WDR59: variants seen among roughly 807,000 people sequenced by gnomAD.
The protein encoded by WDR59 is GATOR2 complex protein WDR59.
A neutral mutation model predicts 131.2 loss-of-function variants in WDR59; 100 were observed. The ratio of observed to expected loss-of-function variants is 0.76; its 90% CI spans 0.65 to 0.90. The LOEUF (loss-of-function observed/expected upper bound fraction) is 0.90. WDR59 is among the 40% of genes least tolerant of loss of function. WDR59 has a pLI of 0.00. For missense variants in WDR59, 1,203 were observed against 1,262.2 expected, an observed-to-expected ratio of 0.95 and a Z score of 0.71; for synonymous variants, 601 against 466.2, an observed-to-expected ratio of 1.29 and a Z score of -3.72.
intron 13 of WDR59, among the ~76,000 whole-genome samples, chr16:74,913,767 G>T (rs533887280): frequency 9.9e-5 from 15 of 152,178 alleles, no homozygotes; most frequent in Non-Finnish European, 4.4e-5. Context: ...GGATTGCCAC[G>T]GGCTGAGGGA....
chr16:74,915,877 T>A lies in WDR59; in HGVS notation c.1217A>T (p.Asn406Ile), dbSNP rs533919592. The change falls in exon 13 of 26, where the codon AAT becomes ATT. Residue 406 changes from asparagine (N) to isoleucine (I), a missense_variant. Physicochemically the swap from Asn to Ile is moderately radical, Grantham distance 149. Coordinates refer to ENST00000262144, the MANE Select transcript of WDR59 (RefSeq NM_030581.4). ...GTTGATTAAACTAAGTACCTCCACA[T>A]TGACATTCCGGATTTGCACATTGAT... ...SLINVQIRNV[N>I]VEMDAADRSC... The A allele has an allele frequency of 1.2e-6, 2 of 1,614,104 alleles. No homozygotes were observed. Among genetic ancestry groups the A allele is most frequent in the African/African-American group, 1.3e-5 (1 of 74,934 alleles).
chr16:74,972,550 T>C (rs2034024827), intron 1 of WDR59, among the ~76,000 whole-genome samples: 3 of 152,178 alleles, frequency 2.0e-5, no homozygotes, highest in Non-Finnish European at 4.4e-5. Context: ...AACTCATGTC[T>C]AGGCCAGGCA....
intron 25 of WDR59, among the ~76,000 whole-genome samples, chr16:74,876,716 C>T (rs1454029029): frequency 6.6e-6 from 1 of 151,980 alleles, no homozygotes; most frequent in Non-Finnish European, 1.5e-5. Context: ...ACATAAAAGC[C>T]CCAGGACGCT....
intron 25 of WDR59, 25 bp from the exon 26 acceptor site, chr16:74,874,469 A>T: frequency 6.2e-7 from 1 of 1,607,112 alleles, no homozygotes; most frequent in Non-Finnish European, 8.5e-7. Flanking sequence ...GGACGGGCAA[A>T]ACAAGAGGCA....
At chr16:74,975,234 A>C (rs960811657) in intron 1 of WDR59, among the ~76,000 whole-genome samples, 2 of 151,852 alleles carry the variant, frequency 1.3e-5, no homozygotes, top group African/African-American at 4.8e-5. Flanking sequence ...GGCAGCACAC[A>C]CCTGTAATTC....
At position 74,874,464 on chromosome 16, in the gene WDR59, G is replaced by A. The variant is rs1364570538; in HGVS notation, c.2690-20C>T. ...CGAACTCTGGAAATGGGCAGGGACG[G>A]GCAAAACAAGAGGCAGCATGAGTTT... On this transcript the variant is annotated intron_variant, in intron 25 of 25. Transcript: ENST00000262144. 1 of 1,609,956 alleles carries A rather than the reference G, an allele frequency of 6.2e-7. No individual in the cohort carries two copies.
chr16:74,948,452 G>A, intron 6 of WDR59, 67 bp downstream of exon 6: 1 of 1,415,688 alleles, frequency 7.1e-7, no homozygotes, highest in Non-Finnish European at 1.0e-6. Context: ...GAACGGGAAA[G>A]AACTGGAAGG....
intron 6 of WDR59, among the ~76,000 whole-genome samples, chr16:74,946,405 C>T (rs947615453): frequency 6.6e-6 from 1 of 152,204 alleles, no homozygotes; most frequent in Admixed American, 6.5e-5. Context: ...TACATACACT[C>T]GTCTACAGAA....
At chr16:74,915,013 A>G (rs1369801808) in intron 13 of WDR59, among the ~76,000 whole-genome samples, 1 of 152,240 alleles carries the variant, frequency 6.6e-6, no homozygotes, top group East Asian at 1.9e-4. Context: ...TGAAGCAAAG[A>G]CTTTCAATAC....
At chr16:74,959,640 G>A (rs2033468449) in intron 2 of WDR59, 1 of 416,510 alleles carries the variant, frequency 2.4e-6, no homozygotes, top group Non-Finnish European at 4.7e-6. Context: ...AAATTAGCCA[G>A]GTGTGGTGAC....
At chr16:74,901,745 C>T (rs1965564074) in intron 18 of WDR59, among the ~76,000 whole-genome samples, 1 of 151,816 alleles carries the variant, frequency 6.6e-6, no homozygotes, top group Non-Finnish European at 1.5e-5. Flanking sequence ...AAAGTGACAT[C>T]ATTTGACATG....
At chr16:74,892,408 A>T in intron 20 of WDR59, 76 bp downstream of exon 20, 1 of 1,202,134 alleles carries the variant, frequency 8.3e-7, no homozygotes, top group Non-Finnish European at 1.2e-6. Context: ...AAATGTCATT[A>T]AATGCCAATG....
At chr16:74,895,835 A>G (rs1037689888) in intron 18 of WDR59, among the ~76,000 whole-genome samples, 3 of 152,206 alleles carry the variant, frequency 2.0e-5, no homozygotes, top group African/African-American at 7.2e-5. Context: ...TTACTGACCT[A>G]AGACAGACGT....
intron 12 of WDR59, 54 bp from the exon 13 acceptor site, chr16:74,916,048 G>T: frequency 1.2e-6 from 2 of 1,613,962 alleles, no homozygotes; most frequent in South Asian, 2.2e-5. Flanking sequence ...ATGAAACAGA[G>T]AACAGGTCTG....
chr16:74,874,991 G>C (rs926901113), intron 25 of WDR59, among the ~76,000 whole-genome samples: 3 of 152,172 alleles, frequency 2.0e-5, no homozygotes, highest in Non-Finnish European at 2.9e-5. Context: ...TGGAAACCCA[G>C]TGCCCTACAG....
At chr16:74,981,625 TATATATATATATATATATATATATA>T (rs1567450430) in intron 1 of WDR59, among the ~76,000 whole-genome samples, 10 of 1,318 alleles carry the variant, frequency 7.6e-3, no homozygotes, top group African/African-American at 0.013. Flanking sequence ...TATATATATA[TATATATATATATATATATATATATA>T]TATATATATA....
chr16:74,917,659 A>G (rs1364775146), intron 11 of WDR59, among the ~76,000 whole-genome samples: 1 of 151,752 alleles, frequency 6.6e-6, no homozygotes, highest in Non-Finnish European at 1.5e-5. Flanking sequence ...AAATACAAAA[A>G]TTAGCCGAGT....
chr16:74,903,735 C>A (rs952373687), intron 18 of WDR59, among the ~76,000 whole-genome samples: 1 of 152,040 alleles, frequency 6.6e-6, no homozygotes, highest in Admixed American at 6.6e-5. Context: ...AGATTACGGA[C>A]CATAAGAACG....
intron 2 of WDR59, among the ~76,000 whole-genome samples, chr16:74,964,448 G>A (rs1052648658): frequency 2.0e-4 from 30 of 151,782 alleles, no homozygotes; most frequent in African/African-American, 7.0e-4. Flanking sequence ...TAGGCACCCA[G>A]TATGACACAC....
Sources: gnomAD v4.1 joint callset for allele counts (sites outside exome capture counted in the v4.1 genomes callset) on GRCh38, gnomAD v4.1.1 for gene constraint, MANE v1.5 for transcripts, NCBI Gene and HGNC (gene_info 2026-07-23, HGNC 2026-07-21) for gene names.